Variants in MAP3K2 observed in about 807,000 individuals in gnomAD.
The protein encoded by MAP3K2 is MAP/ERK kinase kinase 2.
MAP3K2 carries 24 observed loss-of-function variants against 80.3 expected under a neutral mutation model. The observed-to-expected ratio is 0.30, with a 90% CI of 0.22 to 0.42. MAP3K2 has a LOEUF of 0.42. Ranked by LOEUF, MAP3K2 falls within the 10% of genes least tolerant of loss-of-function variation. The probability of loss-of-function intolerance (pLI) is 1.00; values close to 1 mark genes in which losing one functional copy is unlikely to be tolerated. For missense variants in MAP3K2, 608 were observed against 750.1 expected (o/e 0.81, Z 2.21); for synonymous variants, 244 against 253.7 (o/e 0.96, Z 0.36).
chr2:127,356,059 C>G (rs952256775), intron 1 of MAP3K2, among the ~76,000 whole-genome samples: 1 of 152,176 alleles, frequency 6.6e-6, no homozygotes, highest in African/African-American at 2.4e-5. Flanking sequence ...TCAGGCTCCA[C>G]TTGTAATTCT....
chr2:127,369,908 G>C (rs1475660556), intron 1 of MAP3K2, among the ~76,000 whole-genome samples: 1 of 152,212 alleles, frequency 6.6e-6, no homozygotes, highest in Non-Finnish European at 1.5e-5. Context: ...GGGAAAAATT[G>C]TAGAAAGATG....
At chr2:127,358,412 A>C (rs1387591600) in intron 1 of MAP3K2, among the ~76,000 whole-genome samples, 1 of 152,222 alleles carries the variant, frequency 6.6e-6, no homozygotes, top group Non-Finnish European at 1.5e-5. Flanking sequence ...ATGAACCAGT[A>C]ATCATGCTTT....
In MAP3K2 at chr2:127,374,976, A is replaced by G. The variant is rs1687124680; in HGVS notation, c.-66+12476T>C. 2.0e-5 allele frequency among the ~76,000 whole-genome samples: 3 copies of G among 152,230 alleles called. No individual in the cohort carries two copies. In the South Asian group the frequency reaches 6.2e-4, roughly 32 times the overall value. Reference sequence around the variant, plus strand: ...CTGCAACACTACTAGCACAAGCCTTATTTACCCTTAATTTTTAAAATTTAA... The same window carrying G: ...CTGCAACACTACTAGCACAAGCCTTGTTTACCCTTAATTTTTAAAATTTAA... On this transcript the variant is annotated intron_variant, in intron 1 of 16. Coordinates refer to ENST00000682094, the MANE Select transcript of MAP3K2 (RefSeq NM_001371910.2).
intron 5 of MAP3K2, among the ~76,000 whole-genome samples, chr2:127,332,281 C>G (rs868412822): frequency 6.6e-6 from 1 of 152,178 alleles, no homozygotes; most frequent in Non-Finnish European, 1.5e-5. Flanking sequence ...AATGACTGTT[C>G]CGCCGATTTT....
At position 127,337,729 on chromosome 2, in the gene MAP3K2, C is replaced by A; in HGVS notation, c.164+9G>T. ...TCAATTAATTAACATGTAATGTTTC[C>A]TTCCTTACCTTTTTTCTCCTCTATG... is the stretch of plus-strand genomic sequence containing the variant. On this transcript the variant is annotated intron_variant, in intron 4 of 16. Transcript: ENST00000682094. 1 of 1,464,080 alleles carries A rather than the reference C, an allele frequency of 6.8e-7. No individual in the cohort carries two copies. 90.7% of individuals were successfully genotyped at this position (1,464,080 alleles called of 1,614,324 possible). A position where few individuals can be genotyped will look rare whatever the true frequency, so the allele number is the denominator to read the frequency against.
chr2:127,350,199 G>T (rs937448535), intron 1 of MAP3K2, among the ~76,000 whole-genome samples: 3 of 151,930 alleles, frequency 2.0e-5, no homozygotes, highest in African/African-American at 7.3e-5. Context: ...AGACTTATGG[G>T]GACATGTCAG....
At chr2:127,346,144 G>A (rs1397087602) in intron 1 of MAP3K2, among the ~76,000 whole-genome samples, 1 of 150,876 alleles carries the variant, frequency 6.6e-6, no homozygotes, top group African/African-American at 2.5e-5. Flanking sequence ...AATTCAAAAG[G>A]GAGCAATTAC....
chr2:127,338,681 G>GCA (rs1479955755), intron 3 of MAP3K2, among the ~76,000 whole-genome samples: 1 of 152,134 alleles, frequency 6.6e-6, no homozygotes, highest in African/African-American at 2.4e-5. Context: ...TATTATGGCT[G>GCA]CACAGAATTC....
intron 9 of MAP3K2, among the ~76,000 whole-genome samples, chr2:127,324,604 A>G (rs1360874145): frequency 6.6e-6 from 1 of 152,098 alleles, no homozygotes; most frequent in Non-Finnish European, 1.5e-5. Context: ...TACATAAGTA[A>G]GGTATCCAGG....
rs1477608342 is a variant in MAP3K2 at position 127,382,701 on chromosome 2, T to C, written c.-66+4751A>G. ...GCACCTCGTCCCACTAATTTTTGTA[T>C]TTTTAGTAGAGACAGGGTTTCACCA... On this transcript the variant is annotated intron_variant, in intron 1 of 16. Coordinates refer to ENST00000682094, the MANE Select transcript of MAP3K2 (RefSeq NM_001371910.2). Among the ~76,000 whole-genome samples, 4 of 152,212 alleles carry C rather than the reference T, an allele frequency of 2.6e-5. No individual in the cohort carries two copies. In the East Asian group the frequency reaches 7.7e-4, roughly 29 times the overall value.
Position 127,325,751 on chromosome 2 carries a change from T to G in MAP3K2, c.654A>C (p.Pro218=), listed in dbSNP as rs55902832. Residue 218 remains proline (P), a synonymous_variant, in exon 9 of 17, where the codon CCA becomes CCC. Transcript: ENST00000682094. ...ACCCATCCAAAGGACTATCAAGTGA[T>G]GGACAACTTCCTGAGCCAGAATTTT... is the stretch of plus-strand genomic sequence containing the variant. ...SPENSGSGSC[P]SLDSPLDGES... The G allele has an allele frequency of 1.2e-6, 2 of 1,613,320 alleles. No individual in the cohort carries two copies. The highest frequency in any genetic ancestry group is 2.7e-5 in the African/African-American group (2 of 74,890).
chr2:127,312,371 G>T (rs773275260), intron 15 of MAP3K2, among the ~76,000 whole-genome samples: 1 of 152,056 alleles, frequency 6.6e-6, no homozygotes, highest in Non-Finnish European at 1.5e-5. Flanking sequence ...ATGACTTCAC[G>T]GGTCTAAATT....
chr2:127,343,561 C>G (rs866114481), intron 1 of MAP3K2, among the ~76,000 whole-genome samples: 34 of 152,058 alleles, frequency 2.2e-4, no homozygotes, highest in African/African-American at 8.2e-4. Flanking sequence ...TACATTAACT[C>G]TTTTTCTATA....
chr2:127,356,869 T>G (rs1434234575), intron 1 of MAP3K2, among the ~76,000 whole-genome samples: 1 of 152,084 alleles, frequency 6.6e-6, no homozygotes, highest in Non-Finnish European at 1.5e-5. Context: ...AAAACAAAAA[T>G]AGACAGACGG....
intron 1 of MAP3K2, among the ~76,000 whole-genome samples, chr2:127,374,145 GC>G (rs1304375720): frequency 1.3e-5 from 2 of 152,138 alleles, no homozygotes; most frequent in Non-Finnish European, 1.5e-5. Context: ...TGAGATTGGA[GC>G]CTTAATATTA....
rs1686029134 is a variant in MAP3K2 at position 127,321,964 on chromosome 2, CTTAG to C, written c.1045+78_1045+81del. 7.2e-6 allele frequency: 9 copies of C among 1,243,470 alleles called. No individual in the cohort carries two copies. The South Asian group carries it at 1.2e-4, about 17-fold the overall frequency. The allele number at this position is 1,243,470 out of a possible 1,614,324, so 77.0% of individuals were successfully genotyped here. On this transcript the variant is annotated intron_variant, in intron 12 of 16. Coordinates refer to ENST00000682094, the MANE Select transcript of MAP3K2 (RefSeq NM_001371910.2). The surrounding 1 kb of genome is among the most constrained non-coding windows in gnomAD (Gnocchi z 4.4). ...TAGTTCATCTGACCCCAAAAACTCA[CTTAG>C]TATTTATTCCTTTTAATAATATAAA...
intron 1 of MAP3K2, among the ~76,000 whole-genome samples, chr2:127,353,066 C>G (rs1381529439): frequency 6.6e-6 from 1 of 152,120 alleles, no homozygotes; most frequent in Non-Finnish European, 1.5e-5. Flanking sequence ...CACCTCCCAG[C>G]CGCCTGCCTT....
chr2:127,330,182 C>T (rs1355160226), intron 6 of MAP3K2, among the ~76,000 whole-genome samples, 174 bp from the exon 7 acceptor site: 4 of 152,014 alleles, frequency 2.6e-5, no homozygotes, highest in Non-Finnish European at 5.9e-5. Flanking sequence ...CTATTAGCTT[C>T]GTATGTACAA....
rs906265283 is a variant in MAP3K2, at chr2:127,307,363, A to C, written c.*216T>G. On this transcript the variant is annotated 3_prime_UTR_variant, in exon 17 of 17. Transcript: ENST00000682094. The surrounding 1 kb of genome is among the most constrained non-coding windows in gnomAD (Gnocchi z 5.4). Reference sequence around the variant, plus strand: ...TACATTATAAAAATTAAAAAAAAAAACTTCAAGTTCTTGTAAGGGAAAAAA... The same window carrying C: ...TACATTATAAAAATTAAAAAAAAAACCTTCAAGTTCTTGTAAGGGAAAAAA... The C allele has an allele frequency of 3.1e-6, 1 of 323,112 alleles. No individual in the cohort carries two copies. Among genetic ancestry groups the C allele is most frequent in the Non-Finnish European group, 5.6e-6 (1 of 180,066 alleles). The allele number at this position is 323,112 out of a possible 1,614,324, so 20.0% of individuals were successfully genotyped here. A position where few individuals can be genotyped will look rare whatever the true frequency, so the allele number is the denominator to read the frequency against.
Sources: gnomAD v4.1 joint callset for allele counts (sites outside exome capture counted in the v4.1 genomes callset) on GRCh38, gnomAD v4.1.1 for gene constraint, Gnocchi (gnomAD v3.1) non-coding constraint, MANE v1.5 for transcripts, NCBI Gene and HGNC (gene_info 2026-07-23, HGNC 2026-07-21) for gene names.